The following PCNX4 variants were observed in gnomAD, a reference collection of about 807,000 sequenced individuals.
PCNX4 encodes pecanex 4.
Under a neutral mutation model 107.2 loss-of-function variants are expected in PCNX4, and 103 were observed. The observed-to-expected ratio is 0.96, with a 90% CI of 0.82 to 1.13. The LOEUF is 1.13. Among genes scored for constraint, PCNX4 ranks in the 50% most tolerant of loss-of-function variants. The pLI, the probability that PCNX4 is intolerant of heterozygous loss-of-function variation, is 0.00. For missense variants in PCNX4, 1,528 were observed against 1,379.4 expected, an observed-to-expected ratio of 1.11 and a Z score of -1.71; for synonymous variants, 541 against 481.7, an observed-to-expected ratio of 1.12 and a Z score of -1.61.
At position 60,130,891 on chromosome 14, in the gene PCNX4, C is replaced by T. The variant is rs371932214; in HGVS notation, c.3268-3079C>T. Among the ~76,000 whole-genome samples the T allele has an allele frequency of 3.0e-4, 45 of 152,052 alleles. No individual in the cohort carries two copies. In the East Asian group the frequency reaches 7.4e-3, roughly 25 times the overall value. The stretch of plus-strand genomic sequence containing the variant: ...CCGAGGCAGGCGGATCACCTGAAGT[C>T]AGGAGTTTGAGACCAGCCTGATGGT... On this transcript the variant is annotated intron_variant, in intron 10 of 10. Coordinates refer to ENST00000406854, the MANE Select transcript of PCNX4 (RefSeq NM_001330177.2).
At chr14:60,099,099 C>G (rs770253925) in intron 1 of PCNX4, among the ~76,000 whole-genome samples, 20 of 152,122 alleles carry the variant, frequency 1.3e-4, no homozygotes, top group Non-Finnish European at 2.5e-4. Flanking sequence ...TAGCACTTGG[C>G]TATCAAAAAA....
chr14:60,114,586 GT>G (rs1303671806), intron 2 of PCNX4, 113 bp from the exon 3 acceptor site: 20 of 723,894 alleles, frequency 2.8e-5, no homozygotes, highest in Non-Finnish European at 4.0e-5. Flanking sequence ...TGGTGTGTGT[GT>G]GTGGTTTTTT....
intron 10 of PCNX4, among the ~76,000 whole-genome samples, chr14:60,129,469 T>A (rs1054761245): frequency 1.3e-5 from 2 of 151,298 alleles, no homozygotes; most frequent in African/African-American, 4.9e-5. Flanking sequence ...GTGGGAGGAC[T>A]ACTTGAGCCA....
rs1032409370 is a variant in PCNX4 at position 60,139,288 on chromosome 14, C to CA, written c.*5073dup. The stretch of plus-strand genomic sequence containing the variant: ...AATGGAAAAATTATAATATGAAATA[C>CA]AAAAAACAAAAACGATAGGGCAGGG... On this transcript the variant is annotated 3_prime_UTR_variant, in exon 11 of 11. Transcript: ENST00000406854. 3 of 151,962 alleles carry CA rather than the reference C, an allele frequency of 2.0e-5. No individual in the cohort carries two copies. The highest frequency in any genetic ancestry group is 7.2e-5 in the African/African-American group (3 of 41,510). The allele number at this position is 151,962 out of a possible 1,614,324, so 9.4% of individuals were successfully genotyped here.
chr14:60,118,917 T>G (rs531911554), intron 7 of PCNX4, among the ~76,000 whole-genome samples: 176 of 152,328 alleles, frequency 1.2e-3, no homozygotes, highest in African/African-American at 4.1e-3. Flanking sequence ...GAAATTTTTA[T>G]TAAGGTGATT....
intron 10 of PCNX4, 191 bp from the exon 11 acceptor site, chr14:60,133,779 A>AGT (rs1896197046): frequency 1.5e-6 from 1 of 665,766 alleles, no homozygotes; most frequent in Non-Finnish European, 2.6e-6. Context: ...GAACCAAGGA[A>AGT]GTAGAGGTAA....
chr14:60,131,041 T>TG (rs80227682), intron 10 of PCNX4, among the ~76,000 whole-genome samples: 38,113 of 151,924 alleles, frequency 0.25, 6,862 homozygotes, highest in African/African-American at 0.5. Context: ...GTCTTTCTGC[T>TG]TAGAACAGAA....
In PCNX4 at chr14:60,144,968, A is replaced by C; in HGVS notation, c.*10747A>C. 1 of 1,604,844 alleles carries C rather than the reference A, an allele frequency of 6.2e-7. No homozygotes were observed. Among genetic ancestry groups the C allele is most frequent in the Non-Finnish European group, 8.5e-7 (1 of 1,176,562 alleles). ...CTTGAAAAGTACAGGTGCTCTTTTC[A>C]GTCATGTTTTGTCTTAAAGATTTTA... On this transcript the variant is annotated 3_prime_UTR_variant, in exon 11 of 11. Coordinates refer to ENST00000406854, the MANE Select transcript of PCNX4 (RefSeq NM_001330177.2).
intron 1 of PCNX4, among the ~76,000 whole-genome samples, chr14:60,103,557 C>G (rs1191966965): frequency 6.6e-6 from 1 of 152,188 alleles, no homozygotes; most frequent in Non-Finnish European, 1.5e-5. Context: ...AGTGTTCTCT[C>G]CCATGCTTCT....
At chr14:60,122,842 C>A (rs912909225) in intron 8 of PCNX4, among the ~76,000 whole-genome samples, 2 of 152,086 alleles carry the variant, frequency 1.3e-5, no homozygotes, top group Non-Finnish European at 2.9e-5. Context: ...ATTTTTTGTA[C>A]TAGCACAGAT....
intron 1 of PCNX4, among the ~76,000 whole-genome samples, chr14:60,093,351 C>G (rs1214052974): frequency 6.6e-6 from 1 of 152,168 alleles, no homozygotes; most frequent in Non-Finnish European, 1.5e-5. Context: ...CACCACCTCC[C>G]TCCCCCCATT....
In PCNX4 at chr14:60,107,845, C is replaced by CTAT. The variant is rs754046064; in HGVS notation, c.211_213dup (p.Tyr71dup). On this transcript the variant is annotated inframe_insertion, in exon 2 of 11. Transcript: ENST00000406854. ...TATACCAGTTAGGCATCCTGAAAGA[C>CTAT]TATTATACAGCAGCACTTTCAGGTG... 6 of 1,612,690 alleles carry CTAT rather than the reference C, an allele frequency of 3.7e-6. No homozygotes were observed. The highest frequency in any genetic ancestry group is 2.2e-5 in the East Asian group (1 of 44,878).
chr14:60,109,523 G>C (rs160233), intron 2 of PCNX4: 124,274 of 163,770 alleles, frequency 0.76, 49,358 homozygotes, highest in Non-Finnish European at 0.87. Flanking sequence ...CCACTGCAAC[G>C]TCCGCCTCCT....
intron 1 of PCNX4, among the ~76,000 whole-genome samples, chr14:60,104,649 G>A (rs1396267909): frequency 6.6e-6 from 1 of 152,218 alleles, no homozygotes; most frequent in Non-Finnish European, 1.5e-5. Flanking sequence ...TGAAAGGCAT[G>A]TTTTACATGG....
Position 60,135,496 on chromosome 14 carries a change from T to A in PCNX4, c.*1275T>A, listed in dbSNP as rs1258723935. 6.6e-6 allele frequency: 1 copy of A among 152,184 alleles called. No individual in the cohort carries two copies. Among genetic ancestry groups the A allele is most frequent in the Non-Finnish European group, 1.5e-5 (1 of 68,026 alleles). 9.4% of individuals were successfully genotyped at this position (152,184 alleles called of 1,614,324 possible). On this transcript the variant is annotated 3_prime_UTR_variant, in exon 11 of 11. Transcript: ENST00000406854. ...ATTGAGATTTGCTAGCTGTACACCT[T>A]TATATCTTTGTCATGTAGAAATATT...
At chr14:60,102,719 A>T (rs1021317337) in intron 1 of PCNX4, among the ~76,000 whole-genome samples, 1 of 152,098 alleles carries the variant, frequency 6.6e-6, no homozygotes, top group African/African-American at 2.4e-5. Context: ...TTTTTATTTG[A>T]ATATTGTAGA....
chr14:60,123,827 A>G (rs990320707), intron 8 of PCNX4, among the ~76,000 whole-genome samples: 12 of 152,144 alleles, frequency 7.9e-5, no homozygotes, highest in African/African-American at 2.9e-4. Context: ...GATGGAAAGC[A>G]TATAATACTA....
intron 6 of PCNX4, 89 bp downstream of exon 6, chr14:60,116,149 C>T (rs1895844969): frequency 1.7e-6 from 2 of 1,171,306 alleles, no homozygotes; most frequent in Non-Finnish European, 2.3e-6. Context: ...GTTTTGTAGT[C>T]ATCACCACAA....
intron 4 of PCNX4, 51 bp from the exon 5 acceptor site, chr14:60,115,668 G>C: frequency 6.7e-7 from 1 of 1,488,552 alleles, no homozygotes; most frequent in South Asian, 1.2e-5. Context: ...AAATATGGTA[G>C]AAGGAGCTAT....
Sources: allele counts gnomAD v4.1 joint callset (sites outside exome capture counted in the v4.1 genomes callset), GRCh38; gene constraint gnomAD v4.1.1; transcripts MANE v1.5; gene names NCBI Gene and HGNC (gene_info 2026-07-23, HGNC 2026-07-21).